Variants in LMNA observed in about 807,000 individuals in gnomAD.
LMNA encodes the protein lamin.
A neutral mutation model predicts 70.4 loss-of-function variants in LMNA; 20 were observed. The observed-to-expected ratio is 0.28, with a 90% CI of 0.20 to 0.41. The LOEUF is 0.41. LMNA is among the 10% of genes least tolerant of loss of function. The pLI is 1.00. For missense variants in LMNA, 652 were observed against 917.2 expected, an observed-to-expected ratio of 0.71 and a Z score of 3.73; for synonymous variants, 339 against 372.8, an observed-to-expected ratio of 0.91 and a Z score of 1.04.
At position 156,139,641 on chromosome 1, in the gene LMNA, G is replaced by T; in HGVS notation, c.*535G>T. ...GCCGGGCCCCTGGGCTTGGCCTGCTGTGATTCCACTACACCTGGCTGAGGT... is the reference window on the plus strand; with the variant it reads ...GCCGGGCCCCTGGGCTTGGCCTGCTTTGATTCCACTACACCTGGCTGAGGT... On this transcript the variant is annotated 3_prime_UTR_variant, in exon 12 of 12. Coordinates refer to ENST00000368300, the MANE Select transcript of LMNA (RefSeq NM_170707.4). 6.8e-7 allele frequency: 1 copy of T among 1,476,894 alleles called. No individual in the cohort carries two copies. Among genetic ancestry groups the T allele is most frequent in the Non-Finnish European group, 8.9e-7 (1 of 1,119,152 alleles). 91.5% of individuals were successfully genotyped at this position (1,476,894 alleles called of 1,614,324 possible). A position where few individuals can be genotyped will look rare whatever the true frequency, so the allele number is the denominator to read the frequency against.
chr1:156,092,452 G>A (rs1251938371), intron 3 of LMNA, among the ~76,000 whole-genome samples: 2 of 151,886 alleles, frequency 1.3e-5, no homozygotes, highest in African/African-American at 4.8e-5. Context: ...GCCGAGGCAG[G>A]TGGATCACTT....
In LMNA at chr1:156,103,442, G is replaced by A. The variant is rs1354144447; in HGVS notation, c.-206-11271G>A. On this transcript the variant is annotated intron_variant, in intron 3 of 12. Coordinates refer to the LMNA transcript ENST00000368301. The surrounding 1 kb of genome is among the most constrained non-coding windows in gnomAD (Gnocchi z 4.7). ...TGTCTGGGACTCCTCTAACAGCTGT[G>A]GGGAGGGTGCCAGGATCCCCATTTT... Among the ~76,000 whole-genome samples, 1 of 152,108 alleles carries A rather than the reference G, an allele frequency of 6.6e-6. No homozygotes were observed. The highest frequency in any genetic ancestry group is 2.4e-5 in the African/African-American group (1 of 41,402).
chr1:156,111,518 C>CA (rs1649542298), upstream of LMNA, among the ~76,000 whole-genome samples: 1 of 152,184 alleles, frequency 6.6e-6, no homozygotes, highest in East Asian at 1.9e-4. Flanking sequence ...TTCACTCATG[C>CA]ATGCTCCAGC....
In LMNA at chr1:156,134,289, G is replaced by A; in HGVS notation, c.514-114G>A. 8.3e-7 allele frequency: 1 copy of A among 1,206,062 alleles called. No individual in the cohort carries two copies. The highest frequency in any genetic ancestry group is 1.3e-5 in the South Asian group (1 of 77,168). 74.7% of individuals were successfully genotyped at this position (1,206,062 alleles called of 1,614,324 possible). ...CAGGCATCCAAGGCCCTCCTTCCCT[G>A]GACCTGTTTCCACATGTGTGAAGGG... On this transcript the variant is annotated intron_variant, in intron 2 of 11. Transcript: ENST00000368300. This position sits in a 1 kb window ranked among gnomAD's most constrained non-coding sequence, Gnocchi z 5.3.
rs756280442 is a variant in LMNA at position 156,139,106 on chromosome 1, A to G, written c.1995A>G (p.Ter665=). The change falls in exon 12 of 12, where the codon TAA becomes TAG. Residue 665 remains the stop codon, a stop_retained_variant. Transcript: ENST00000368300. The stretch of plus-strand genomic sequence containing the variant: ...GCCCCCAGAACTGCAGCATCATGTA[A>G]TCTGGGACCTGCCAGGCAGGGGTGG... ...TQSPQNCSIM[*] is the part of the protein sequence containing the mutation. 19 of 1,613,610 alleles carry G rather than the reference A, an allele frequency of 1.2e-5. No individual in the cohort carries two copies.
chr1:156,085,926 C>A (rs1648456582), intron 2 of LMNA, among the ~76,000 whole-genome samples: 1 of 152,150 alleles, frequency 6.6e-6, no homozygotes, highest in South Asian at 2.1e-4. Context: ...CATGGTGGTG[C>A]ACACCTGTAA....
chr1:156,102,015 G>A (rs35997354), intron 3 of LMNA, among the ~76,000 whole-genome samples: 26,544 of 152,164 alleles, frequency 0.17, 2,525 homozygotes, highest in Non-Finnish European at 0.22. Flanking sequence ...ACTTGGGGTC[G>A]TCTTCTAAGA....
rs1412118952 is a variant in LMNA, at chr1:156,134,357, T to G, written c.514-46T>G. The G allele has an allele frequency of 6.2e-7, 1 of 1,610,512 alleles. No individual in the cohort carries two copies. Among genetic ancestry groups the G allele is most frequent in the East Asian group, 2.2e-5 (1 of 44,812 alleles). On this transcript the variant is annotated intron_variant, in intron 2 of 11. Transcript: ENST00000368300. This position sits in a 1 kb window ranked among gnomAD's most constrained non-coding sequence, Gnocchi z 5.3. The stretch of plus-strand genomic sequence containing the variant: ...CACCTCTCAGCTTCCTTCCAGTTCT[T>G]GTGTTCTGTGACCCCTTTTCCTCAT...
Position 156,139,772 on chromosome 1 carries a change from A to G in LMNA, c.*666A>G. 6.5e-7 allele frequency: 1 copy of G among 1,533,242 alleles called. No homozygotes were observed. Among genetic ancestry groups the G allele is most frequent in the Non-Finnish European group, 8.7e-7 (1 of 1,145,894 alleles). The allele number at this position is 1,533,242 out of a possible 1,614,324, so 95.0% of individuals were successfully genotyped here. A position where few individuals can be genotyped will look rare whatever the true frequency, so the allele number is the denominator to read the frequency against. On this transcript the variant is annotated 3_prime_UTR_variant, in exon 12 of 12. Coordinates refer to ENST00000368300, the MANE Select transcript of LMNA (RefSeq NM_170707.4). ...TTGCTTTTCTGTATTTTATTTAGACAAGAGATGGGAATGAGGTGGGAGGTG... is the reference window on the plus strand; with the variant it reads ...TTGCTTTTCTGTATTTTATTTAGACGAGAGATGGGAATGAGGTGGGAGGTG...
At chr1:156,096,935 G>A (rs553815707) in intron 3 of LMNA, among the ~76,000 whole-genome samples, 12 of 152,336 alleles carry the variant, frequency 7.9e-5, no homozygotes, top group Middle Eastern at 3.4e-3. Flanking sequence ...GGGCTCGGGG[G>A]CAGACTCTCG....
chr1:156,130,281 A>G (rs570084281), intron 1 of LMNA, among the ~76,000 whole-genome samples: 1 of 152,256 alleles, frequency 6.6e-6, no homozygotes, highest in South Asian at 2.1e-4. Context: ...GGCAGGAGAC[A>G]AAGGTACCCC....
intron 3 of LMNA, among the ~76,000 whole-genome samples, chr1:156,100,241 T>C (rs1168522163): frequency 6.6e-6 from 1 of 152,234 alleles, no homozygotes; most frequent in African/African-American, 2.4e-5. Context: ...CCAGACATAA[T>C]GTTTTACTAG....
At chr1:156,133,983 T>C (rs1357599166) in intron 2 of LMNA, among the ~76,000 whole-genome samples, 1 of 152,116 alleles carries the variant, frequency 6.6e-6, no homozygotes, top group Non-Finnish European at 1.5e-5. Flanking sequence ...AGTTGCTATG[T>C]TGTGCCAGAG....
chr1:156,110,562 G>A (rs1482350294), upstream of LMNA, among the ~76,000 whole-genome samples: 1 of 152,204 alleles, frequency 6.6e-6, no homozygotes, highest in African/African-American at 2.4e-5. Context: ...AACCCTGAGA[G>A]GGCTGGGCAT....
chr1:156,135,114 T>C lies in LMNA; in HGVS notation c.811-73T>C, dbSNP rs1485859864. Reference sequence around the variant, plus strand: ...GGCCCAGGACCTGGGGCTGTAGCAGTGATGCCCAACTCAGGCCTGTGCCTC... The same window carrying C: ...GGCCCAGGACCTGGGGCTGTAGCAGCGATGCCCAACTCAGGCCTGTGCCTC... On this transcript the variant is annotated intron_variant, in intron 4 of 11. Coordinates refer to ENST00000368300, the MANE Select transcript of LMNA (RefSeq NM_170707.4). The surrounding 1 kb of genome is among the most constrained non-coding windows in gnomAD (Gnocchi z 4.8). The C allele has an allele frequency of 1.9e-6, 3 of 1,612,252 alleles. No individual in the cohort carries two copies. Among genetic ancestry groups the C allele is most frequent in the Middle Eastern group, 1.6e-4 (1 of 6,082 alleles).
intron 1 of LMNA, among the ~76,000 whole-genome samples, chr1:156,120,681 C>G (rs1324745145): frequency 6.6e-6 from 1 of 152,126 alleles, no homozygotes; most frequent in Non-Finnish European, 1.5e-5. Context: ...CTACTGCACT[C>G]TAGCCTGGGA....
intron 3 of LMNA, among the ~76,000 whole-genome samples, chr1:156,097,901 T>C (rs1382874285): frequency 2.0e-5 from 3 of 152,152 alleles, no homozygotes; most frequent in Non-Finnish European, 4.4e-5. Flanking sequence ...CCCCCACCGT[T>C]TTCTCTCTGC....
At chr1:156,123,676 G>A (rs928703858) in intron 1 of LMNA, among the ~76,000 whole-genome samples, 4 of 151,894 alleles carry the variant, frequency 2.6e-5, no homozygotes, top group Non-Finnish European at 5.9e-5. Flanking sequence ...TGACAACACC[G>A]GAATGATTTC....
chr1:156,118,323 G>C (rs371243831), intron 1 of LMNA, among the ~76,000 whole-genome samples: 1 of 152,172 alleles, frequency 6.6e-6, no homozygotes, highest in African/African-American at 2.4e-5. Flanking sequence ...GAGTGGATTC[G>C]ATATTCTCTT....
Sources: gnomAD v4.1 joint callset for allele counts (sites outside exome capture counted in the v4.1 genomes callset) on GRCh38, gnomAD v4.1.1 for gene constraint, Gnocchi (gnomAD v3.1) non-coding constraint, MANE v1.5 for transcripts, NCBI Gene and HGNC (gene_info 2026-07-23, HGNC 2026-07-21) for gene names.